STEAP1B: variants seen among roughly 807,000 people sequenced by gnomAD.
The protein encoded by STEAP1B is STEAP family protein MGC87042.
In STEAP1B, 13 loss-of-function variants were observed where a neutral mutation model predicts 27.9. The observed-to-expected ratio is 0.47, with a 90% CI of 0.30 to 0.74. The LOEUF (loss-of-function observed/expected upper bound fraction) is 0.74, where lower values mean the gene tolerates loss of function less well. Among genes scored for constraint, STEAP1B ranks in the 30% least tolerant of loss-of-function variants. The pLI is 0.06. For synonymous variants in STEAP1B, 86 were observed against 107.1 expected (o/e 0.80, Z 1.22); for missense variants, 250 against 298.7 (o/e 0.84, Z 1.20).
At chr7:22,460,768 C>G (rs901013643) in intron 4 of STEAP1B, among the ~76,000 whole-genome samples, 1 of 152,142 alleles carries the variant, frequency 6.6e-6, no homozygotes, top group Non-Finnish European at 1.5e-5. Flanking sequence ...TGAACCACCC[C>G]GGAGGCAGCA....
At chr7:22,433,473 C>A (rs1319618959) in intron 4 of STEAP1B, among the ~76,000 whole-genome samples, 1 of 113,970 alleles carries the variant, frequency 8.8e-6, no homozygotes, top group East Asian at 2.7e-4. Flanking sequence ...CCTTCCACCC[C>A]CTCCACATAA....
chr7:22,433,275 A>G (rs1443316731), intron 4 of STEAP1B, among the ~76,000 whole-genome samples: 2 of 151,150 alleles, frequency 1.3e-5, no homozygotes, highest in African/African-American at 4.9e-5. Context: ...CCAACTTACT[A>G]TTTCAAGCCC....
intron 4 of STEAP1B, among the ~76,000 whole-genome samples, chr7:22,472,957 A>C (rs1388019228): frequency 6.6e-6 from 1 of 152,190 alleles, no homozygotes; most frequent in Non-Finnish European, 1.5e-5. Context: ...GGCCTACCTC[A>C]TAAGACTGCT....
intron 4 of STEAP1B, among the ~76,000 whole-genome samples, chr7:22,471,175 C>T (rs1350643916): frequency 6.6e-6 from 1 of 152,198 alleles, no homozygotes; most frequent in Non-Finnish European, 1.5e-5. Context: ...CTGCGCGCCT[C>T]AGCACTGTAC....
chr7:22,491,180 G>C (rs73685807), intron 4 of STEAP1B, among the ~76,000 whole-genome samples: 4,986 of 152,268 alleles, frequency 0.033, 144 homozygotes, highest in African/African-American at 0.076. Context: ...TGTGGACTTT[G>C]GTTGAAGCTA....
rs117918617 is a variant in STEAP1B at position 22,468,579 on chromosome 7, C to T, written c.762+23986G>A. ...CTTTTGGAAGTGTTTTGATTTGATA[C>T]GATGAGGCTAAAGACAAAGACCTGC... is the stretch of plus-strand genomic sequence containing the variant. On this transcript the variant is annotated intron_variant, in intron 4 of 4. Transcript: ENST00000678116. Among the ~76,000 whole-genome samples the T allele has an allele frequency of 3.7e-3, 564 of 152,118 alleles. 1 individual carries two copies. Among genetic ancestry groups the T allele is most frequent in the Non-Finnish European group, 5.3e-3 (360 of 68,020 alleles).
chr7:22,497,220 T>C (rs1480733670), intron 1 of STEAP1B, among the ~76,000 whole-genome samples: 1 of 152,232 alleles, frequency 6.6e-6, no homozygotes, highest in Admixed American at 6.5e-5. Context: ...CTGATATTTA[T>C]ATATGGAAGT....
intron 4 of STEAP1B, among the ~76,000 whole-genome samples, chr7:22,464,365 A>C (rs1032148200): frequency 6.6e-6 from 1 of 152,102 alleles, no homozygotes; most frequent in African/African-American, 2.4e-5. Flanking sequence ...GGGTTTACTG[A>C]GGGTGTGTTC....
chr7:22,431,085 G>A (rs540187917), intron 4 of STEAP1B, among the ~76,000 whole-genome samples: 5 of 152,318 alleles, frequency 3.3e-5, no homozygotes, highest in African/African-American at 1.2e-4. Context: ...GCTTTAAGAT[G>A]TTTTTGGCTA....
At chr7:22,423,183 G>T (rs1785064897) in intron 4 of STEAP1B, among the ~76,000 whole-genome samples, 1 of 152,066 alleles carries the variant, frequency 6.6e-6, no homozygotes, top group African/African-American at 2.4e-5. Flanking sequence ...TGTAAAATGG[G>T]GCAGCCACTT....
chr7:22,491,318 T>C (rs1408750872), intron 4 of STEAP1B, among the ~76,000 whole-genome samples: 1 of 152,200 alleles, frequency 6.6e-6, no homozygotes, highest in African/African-American at 2.4e-5. Context: ...TCTCACAGGA[T>C]GAAAAGAAAT....
chr7:22,439,753 TATC>T (rs1478559342), intron 4 of STEAP1B, among the ~76,000 whole-genome samples: 2 of 152,198 alleles, frequency 1.3e-5, no homozygotes, highest in East Asian at 1.9e-4. Flanking sequence ...AAATAGAAAC[TATC>T]ATCATCAAAA....
chr7:22,444,420 G>GT (rs1223682429), intron 4 of STEAP1B, among the ~76,000 whole-genome samples: 2 of 128,266 alleles, frequency 1.6e-5, no homozygotes, highest in Admixed American at 7.9e-5. Flanking sequence ...CTGTTTCCCT[G>GT]TTTTAAAAAA....
chr7:22,442,093 G>A (rs1785342677), intron 4 of STEAP1B, among the ~76,000 whole-genome samples: 1 of 152,174 alleles, frequency 6.6e-6, no homozygotes, highest in Non-Finnish European at 1.5e-5. Context: ...AATGTTCTCT[G>A]TAAGTACTTG....
intron 4 of STEAP1B, among the ~76,000 whole-genome samples, chr7:22,456,972 A>ATATATATATATATATATATATATATATT: frequency 3.5e-5 from 2 of 57,042 alleles, no homozygotes; most frequent in Admixed American, 2.0e-4. Context: ...ATATATATAT[A>ATATATATATATATATATATATATATATT]TTTTTTTTTT....
At chr7:22,440,745 T>A (rs151288956) in intron 4 of STEAP1B, among the ~76,000 whole-genome samples, 1 of 152,012 alleles carries the variant, frequency 6.6e-6, no homozygotes, top group Non-Finnish European at 1.5e-5. Context: ...AGAAAAGGAA[T>A]TTAAAAAATA....
chr7:22,474,482 C>T (rs949144035), intron 4 of STEAP1B, among the ~76,000 whole-genome samples: 6 of 152,168 alleles, frequency 3.9e-5, no homozygotes, highest in Middle Eastern at 3.2e-3. Flanking sequence ...TATGGGAAAC[C>T]GGGAAGAGCC....
chr7:22,433,957 C>T (rs77188515), intron 4 of STEAP1B, among the ~76,000 whole-genome samples: 179 of 152,334 alleles, frequency 1.2e-3, no homozygotes, highest in African/African-American at 4.2e-3. Context: ...GAGGCACCTA[C>T]ATCCATTGGA....
At chr7:22,424,757 G>A (rs767520353) in intron 4 of STEAP1B, among the ~76,000 whole-genome samples, 5 of 151,974 alleles carry the variant, frequency 3.3e-5, no homozygotes, top group East Asian at 1.9e-4. Flanking sequence ...ATCAGAGAAC[G>A]TTTAAGTAAA....
Sources: allele counts gnomAD v4.1 joint callset (sites outside exome capture counted in the v4.1 genomes callset), GRCh38; gene constraint gnomAD v4.1.1; transcripts MANE v1.5; gene names NCBI Gene and HGNC (gene_info 2026-07-23, HGNC 2026-07-21).